The following ROBO1 variants were observed in gnomAD, a reference collection of about 807,000 sequenced individuals.
ROBO1 encodes roundabout homolog 1.
Under a neutral mutation model 195.9 loss-of-function variants are expected in ROBO1, and 149 were observed. That is an observed-to-expected ratio of 0.76 (90% CI 0.67 to 0.87). The LOEUF (loss-of-function observed/expected upper bound fraction) is 0.87. Among genes scored for constraint, ROBO1 ranks in the 40% least tolerant of loss-of-function variants. ROBO1 has a pLI of 0.00. For synonymous variants in ROBO1, 816 were observed against 733.2 expected (o/e 1.11, Z -1.82); for missense variants, 1,933 against 2,068.3 (o/e 0.93, Z 1.27).
rs1575764347 is a variant in ROBO1 at position 78,606,993 on chromosome 3, G to C, written c.4484C>G (p.Ala1495Gly). Residue 1495 changes from alanine (A) to glycine (G), a missense_variant, in exon 29 of 31, where the codon GCC becomes GGC. By Grantham distance (60) the Ala-to-Gly change is moderately conservative. Transcript: ENST00000464233. ...TACTTCCAGCTGTGTCTTGGATTGG[G>C]CAGTAGGTGACTTTATAGCAGGTGG... is the stretch of plus-strand genomic sequence containing the variant. ...VPPPAIKSPTAQSKTQLEVRP... is the reference protein window; with the variant it reads ...VPPPAIKSPTGQSKTQLEVRP... The C allele has an allele frequency of 6.2e-7, 1 of 1,613,772 alleles. No individual in the cohort carries two copies. The highest frequency in any genetic ancestry group is 1.1e-5 in the South Asian group (1 of 91,068).
intron 4 of ROBO1, among the ~76,000 whole-genome samples, chr3:78,751,341 G>A (rs543399396): frequency 6.6e-6 from 1 of 152,164 alleles, no homozygotes; most frequent in South Asian, 2.1e-4. Flanking sequence ...TAATAATGAT[G>A]TTAGCAATGG....
chr3:79,483,539 AC>A (rs748679557), intron 2 of ROBO1, among the ~76,000 whole-genome samples: 16 of 152,154 alleles, frequency 1.1e-4, no homozygotes, highest in Non-Finnish European at 2.4e-4. Context: ...ACTTTCACAA[AC>A]CTAGATGCTA....
At chr3:79,110,034 G>A (rs965678081) in intron 3 of ROBO1, among the ~76,000 whole-genome samples, 4 of 152,008 alleles carry the variant, frequency 2.6e-5, no homozygotes, top group South Asian at 4.2e-4. Context: ...GAATAGAAGC[G>A]AGATTTCCTG....
intron 2 of ROBO1, among the ~76,000 whole-genome samples, chr3:79,355,161 G>A (rs549851140): frequency 2.9e-4 from 44 of 151,764 alleles, no homozygotes; most frequent in East Asian, 1.6e-3. Context: ...GCAAGACTCG[G>A]TCTCAAAAAC....
At chr3:78,995,382 C>T (rs551018277) in intron 3 of ROBO1, among the ~76,000 whole-genome samples, 1 of 152,032 alleles carries the variant, frequency 6.6e-6, no homozygotes, top group Non-Finnish European at 1.5e-5. Flanking sequence ...AACCTGGAAC[C>T]GAGCAACACA....
chr3:79,493,367 T>C (rs1200798865), intron 2 of ROBO1, among the ~76,000 whole-genome samples: 1 of 151,952 alleles, frequency 6.6e-6, no homozygotes, highest in African/African-American at 2.4e-5. Context: ...GATGTATCCA[T>C]AACAGAAAAA....
chr3:79,550,187 G>GGAAAAGA (rs1257338360), intron 2 of ROBO1, among the ~76,000 whole-genome samples: 7 of 79,514 alleles, frequency 8.8e-5, no homozygotes, highest in African/African-American at 3.4e-4. Flanking sequence ...AAGAAAGAAA[G>GGAAAAGA]AAAGAAAGGA....
At chr3:79,366,652 A>G (rs1453679145) in intron 2 of ROBO1, among the ~76,000 whole-genome samples, 1 of 152,198 alleles carries the variant, frequency 6.6e-6, no homozygotes, top group African/African-American at 2.4e-5. Context: ...AACACAGGGC[A>G]CATAACGGCC....
chr3:79,537,951 G>GA (rs1941934030), intron 2 of ROBO1, among the ~76,000 whole-genome samples: 1 of 152,128 alleles, frequency 6.6e-6, no homozygotes, highest in Non-Finnish European at 1.5e-5. Context: ...CTGATGAACT[G>GA]AAAAAAATAA....
intron 2 of ROBO1, among the ~76,000 whole-genome samples, chr3:79,414,183 CTCTCTCTCTCTCTCTT>C (rs920394587): frequency 6.8e-5 from 10 of 146,258 alleles, no homozygotes; most frequent in African/African-American, 2.7e-4. Flanking sequence ...TATTAACAGT[CTCTCTCTCTCTCTCTT>C]TCTCTCTCTC....
chr3:79,211,921 A>G (rs555760042), intron 2 of ROBO1, among the ~76,000 whole-genome samples: 2 of 152,296 alleles, frequency 1.3e-5, no homozygotes, highest in South Asian at 4.1e-4. Flanking sequence ...ACAGAGATTT[A>G]CCCACATATT....
intron 3 of ROBO1, among the ~76,000 whole-genome samples, chr3:79,008,954 G>C (rs1212352144): frequency 7.1e-6 from 1 of 141,592 alleles, no homozygotes; most frequent in Non-Finnish European, 1.5e-5. Context: ...GTTTTGTTTT[G>C]TTTTGAGATG....
At chr3:79,053,256 C>A (rs1018542989) in intron 3 of ROBO1, among the ~76,000 whole-genome samples, 2 of 151,922 alleles carry the variant, frequency 1.3e-5, no homozygotes, top group Admixed American at 1.3e-4. Flanking sequence ...TCCCACACGG[C>A]CTTTGTTAGC....
chr3:78,988,338 A>T (rs1576519503), intron 3 of ROBO1, among the ~76,000 whole-genome samples: 1 of 152,122 alleles, frequency 6.6e-6, no homozygotes, highest in African/African-American at 2.4e-5. Flanking sequence ...TGTCTGGTGC[A>T]ATTTTAGGGA....
intron 2 of ROBO1, among the ~76,000 whole-genome samples, chr3:79,250,729 T>C (rs1042501076): frequency 6.6e-6 from 1 of 152,140 alleles, no homozygotes; most frequent in Non-Finnish European, 1.5e-5. Flanking sequence ...AATTTTAATA[T>C]ATAAACCCTA....
rs1477595828 is a variant in ROBO1 at position 79,102,103 on chromosome 3, A to T, written c.172+23353T>A. On this transcript the variant is annotated intron_variant, in intron 3 of 30. Transcript: ENST00000464233. ...ATCCATTTTTATTAAAATTATCTAT[A>T]AAAGTGCACATAAAATATATACTAT... Among the ~76,000 whole-genome samples the T allele has an allele frequency of 2.6e-5, 4 of 151,928 alleles. No homozygotes were observed. In the East Asian group the frequency reaches 5.8e-4, roughly 22 times the overall value.
chr3:79,037,085 A>G (rs1224886960), intron 3 of ROBO1, among the ~76,000 whole-genome samples: 3 of 152,158 alleles, frequency 2.0e-5, no homozygotes, highest in East Asian at 3.9e-4. Flanking sequence ...AACAAAGTTG[A>G]GAAACTGATC....
At chr3:78,904,200 C>G (rs116530612) in intron 4 of ROBO1, among the ~76,000 whole-genome samples, 5 of 151,914 alleles carry the variant, frequency 3.3e-5, no homozygotes, top group African/African-American at 4.8e-5. Context: ...CAATCATATA[C>G]CACACTTATT....
chr3:79,636,747 G>A (rs987971693), intron 1 of ROBO1, among the ~76,000 whole-genome samples: 2 of 152,148 alleles, frequency 1.3e-5, no homozygotes, highest in African/African-American at 4.8e-5. Flanking sequence ...AGTATTGCAG[G>A]CACTATCTCT....
Sources: allele counts gnomAD v4.1 joint callset (sites outside exome capture counted in the v4.1 genomes callset), GRCh38; gene constraint gnomAD v4.1.1; transcripts MANE v1.5; gene names NCBI Gene and HGNC (gene_info 2026-07-23, HGNC 2026-07-21).